Variants in DUS2 observed in about 807,000 individuals in gnomAD.
DUS2 encodes the protein tRNA-dihydrouridine(20) synthase [NAD(P)+]-like.
A neutral mutation model predicts 71.3 loss-of-function variants in DUS2; 52 were observed. That is an observed-to-expected ratio of 0.73 (90% CI 0.58 to 0.92). The LOEUF (loss-of-function observed/expected upper bound fraction) is 0.92. DUS2 is among the 40% of genes least tolerant of loss of function. DUS2 has a pLI of 0.00. For synonymous variants in DUS2, 204 were observed against 227.8 expected (o/e 0.90, Z 0.94); for missense variants, 558 against 622.6 (o/e 0.90, Z 1.10).
At chr16:68,035,049 G>A (rs1045210115) in intron 2 of DUS2, among the ~76,000 whole-genome samples, 3 of 146,374 alleles carry the variant, frequency 2.0e-5, no homozygotes, top group Admixed American at 6.8e-5. Flanking sequence ...TCTTTGGGAC[G>A]TGAGATTCTG....
At chr16:68,043,854 G>A (rs991283520) in intron 3 of DUS2, among the ~76,000 whole-genome samples, 10 of 152,116 alleles carry the variant, frequency 6.6e-5, no homozygotes, top group Admixed American at 2.0e-4. Context: ...TGGTAGAGAC[G>A]GGGTTTTGGC....
chr16:68,052,966 A>ATT (rs531432284), intron 4 of DUS2, among the ~76,000 whole-genome samples: 25,310 of 123,762 alleles, frequency 0.2, 2,537 homozygotes, highest in African/African-American at 0.29. Flanking sequence ...TTGTTTCAAC[A>ATT]TTTTTTTTTT....
chr16:68,068,137 C>T (rs2034035526), intron 10 of DUS2, among the ~76,000 whole-genome samples: 1 of 152,210 alleles, frequency 6.6e-6, no homozygotes, highest in African/African-American at 2.4e-5. Context: ...TGATTTTGTA[C>T]AGCATCTCAG....
intron 3 of DUS2, among the ~76,000 whole-genome samples, chr16:68,038,403 T>C (rs555111638): frequency 5.9e-5 from 9 of 152,144 alleles, no homozygotes; most frequent in Non-Finnish European, 1.2e-4. Flanking sequence ...CTGACATGTC[T>C]GGGCAACATA....
chr16:68,053,774 C>A, intron 5 of DUS2, 119 bp downstream of exon 5: 1 of 958,580 alleles, frequency 1.0e-6, no homozygotes, highest in Non-Finnish European at 1.6e-6. Flanking sequence ...ACGATGGCTT[C>A]CTGAAGATTC....
intron 14 of DUS2, 84 bp from the exon 15 acceptor site, chr16:68,076,548 C>A (rs941989757): frequency 9.7e-7 from 1 of 1,029,660 alleles, no homozygotes; most frequent in African/African-American, 1.6e-5. Flanking sequence ...TTCTGCAGCT[C>A]CTTTCAGGAG....
intron 2 of DUS2, among the ~76,000 whole-genome samples, chr16:68,030,793 A>G (rs576157745): frequency 1.3e-5 from 2 of 151,872 alleles, no homozygotes; most frequent in South Asian, 4.2e-4. Flanking sequence ...GTACAGTTGC[A>G]CAATCATGGC....
intron 2 of DUS2, among the ~76,000 whole-genome samples, chr16:68,029,695 C>A (rs1432640710): frequency 6.6e-6 from 1 of 152,098 alleles, no homozygotes; most frequent in Non-Finnish European, 1.5e-5. Context: ...AATCTGCCCA[C>A]CTTGGCCTCC....
intron 3 of DUS2, among the ~76,000 whole-genome samples, chr16:68,045,499 T>A (rs911575968): frequency 7.3e-5 from 11 of 151,154 alleles, no homozygotes; most frequent in Non-Finnish European, 1.6e-4. Context: ...TAATCCCAGC[T>A]ACTAGGGAGG....
chr16:68,051,836 G>A (rs949229646), intron 4 of DUS2, among the ~76,000 whole-genome samples: 1 of 152,140 alleles, frequency 6.6e-6, no homozygotes, highest in African/African-American at 2.4e-5. Context: ...TCCCATGACC[G>A]TTTTCTTGTG....
At chr16:68,049,887 A>G (rs904966572) in intron 4 of DUS2, among the ~76,000 whole-genome samples, 1 of 152,212 alleles carries the variant, frequency 6.6e-6, no homozygotes, top group African/African-American at 2.4e-5. Flanking sequence ...GGCAGGCCAT[A>G]TGACCTCTGT....
chr16:68,073,360 C>T (rs1214823027), intron 12 of DUS2, among the ~76,000 whole-genome samples: 63 of 152,070 alleles, frequency 4.1e-4, no homozygotes, highest in Admixed American at 4.1e-3. Context: ...ACAGCCACAA[C>T]TCCTGGGTGC....
In DUS2 at chr16:68,054,558, C is replaced by G; in HGVS notation, c.265-16C>G. Reference sequence around the variant, plus strand: ...TGTGTCAGGGCAGTGGTTGATGCAGCCTCTTGTGTTCCCAGGGGACTTCAG... The same window carrying G: ...TGTGTCAGGGCAGTGGTTGATGCAGGCTCTTGTGTTCCCAGGGGACTTCAG... On this transcript the variant is annotated splice_polypyrimidine_tract_variant and intron_variant, in intron 5 of 16. Coordinates refer to ENST00000565263, the MANE Select transcript of DUS2 (RefSeq NM_017803.5). 6.2e-7 allele frequency: 1 copy of G among 1,614,072 alleles called. No individual in the cohort carries two copies. The highest frequency in any genetic ancestry group is 1.1e-5 in the South Asian group (1 of 91,090).
intron 4 of DUS2, among the ~76,000 whole-genome samples, chr16:68,050,557 G>A (rs1486653316): frequency 2.6e-5 from 4 of 152,050 alleles, no homozygotes; most frequent in African/African-American, 9.7e-5. Context: ...TCAGAGAGAG[G>A]AATAATGTAT....
chr16:68,069,234 A>T (rs1006102758), intron 10 of DUS2, among the ~76,000 whole-genome samples: 2 of 152,102 alleles, frequency 1.3e-5, no homozygotes, highest in Non-Finnish European at 2.9e-5. Context: ...ACTAAAAAAA[A>T]TACAAAATTA....
chr16:68,032,755 A>C (rs2033458005), intron 2 of DUS2, among the ~76,000 whole-genome samples: 1 of 151,198 alleles, frequency 6.6e-6, no homozygotes, highest in Non-Finnish European at 1.5e-5. Flanking sequence ...GGATCACCTG[A>C]GGTCAGGAGT....
intron 8 of DUS2, among the ~76,000 whole-genome samples, chr16:68,063,668 A>T (rs978459594): frequency 6.6e-6 from 1 of 152,186 alleles, no homozygotes; most frequent in African/African-American, 2.4e-5. Flanking sequence ...TCTACCAGGT[A>T]ACTCTGATAT....
At chr16:68,072,721 G>A (rs2034105267) in intron 12 of DUS2, among the ~76,000 whole-genome samples, 1 of 152,162 alleles carries the variant, frequency 6.6e-6, no homozygotes, top group Admixed American at 6.5e-5. Context: ...GGATGGGAGG[G>A]TGTCCTGGAG....
At chr16:68,029,456 T>A (rs984965479) in intron 2 of DUS2, among the ~76,000 whole-genome samples, 5 of 151,962 alleles carry the variant, frequency 3.3e-5, no homozygotes, top group African/African-American at 7.2e-5. Flanking sequence ...ACACTTTTTT[T>A]ATTTTTTTGA....
Sources: gnomAD v4.1 joint callset for allele counts (sites outside exome capture counted in the v4.1 genomes callset) on GRCh38, gnomAD v4.1.1 for gene constraint, MANE v1.5 for transcripts, NCBI Gene and HGNC (gene_info 2026-07-23, HGNC 2026-07-21) for gene names.